LOC400499: variants seen among roughly 807,000 people sequenced by gnomAD.
the LOC400499 span, chr16:11,393,444 A>T: frequency 8.1e-7 from 1 of 1,232,202 alleles, no homozygotes; most frequent in South Asian, 4.1e-5. Context: ...GAACACAGAC[A>T]GCCTCACTTT....
the LOC400499 span, chr16:11,414,660 G>A: frequency 1.3e-5 from 5 of 397,954 alleles, no homozygotes; most frequent in African/African-American, 6.2e-5. Context: ...TGGGTGCTGG[G>A]TGGGGTCAAC....
chr16:11,495,778 G>C, the LOC400499 span, among the ~76,000 whole-genome samples: 2 of 151,836 alleles, frequency 1.3e-5, no homozygotes, highest in African/African-American at 2.4e-5. Flanking sequence ...CCATTTTGCA[G>C]AGCAGGAAGC....
chr16:11,490,525 C>G, the LOC400499 span, among the ~76,000 whole-genome samples: 211 of 152,112 alleles, frequency 1.4e-3, no homozygotes, highest in African/African-American at 4.6e-3. Context: ...TGGTGAAACC[C>G]CGTCTCTACT....
the LOC400499 span, among the ~76,000 whole-genome samples, chr16:11,513,677 T>C: frequency 0.59 from 89,831 of 151,812 alleles, 27,032 homozygotes; most frequent in Admixed American, 0.66. Flanking sequence ...GTTATCCGCC[T>C]ACCTCGGCCT....
At chr16:11,460,590 G>C in the LOC400499 span, 15 of 1,534,422 alleles carry the variant, frequency 9.8e-6, no homozygotes, top group Non-Finnish European at 1.2e-5. Context: ...CTGCACTCGT[G>C]TGCCGCCTGC....
chr16:11,505,746 G>A, the LOC400499 span, among the ~76,000 whole-genome samples: 5 of 151,910 alleles, frequency 3.3e-5, no homozygotes, highest in African/African-American at 4.8e-5. Flanking sequence ...ACTGTGCCCG[G>A]CCTGTTTACT....
chr16:11,511,790 G>T, the LOC400499 span, among the ~76,000 whole-genome samples: 10 of 152,352 alleles, frequency 6.6e-5, no homozygotes, highest in East Asian at 1.7e-3. Flanking sequence ...ACTTTGGGAG[G>T]CTGCAGTAGG....
At chr16:11,389,968 C>G in the LOC400499 span, 3 of 477,502 alleles carry the variant, frequency 6.3e-6, no homozygotes, top group African/African-American at 6.0e-5. Flanking sequence ...GCTTCCTCAT[C>G]TGTAAAACGA....
At chr16:11,381,523 T>C in the LOC400499 span, among the ~76,000 whole-genome samples, 4 of 152,204 alleles carry the variant, frequency 2.6e-5, no homozygotes, top group Non-Finnish European at 5.9e-5. Flanking sequence ...ATCTTCTTAA[T>C]AGAGTCTTTC....
At chr16:11,508,150 A>ATC in the LOC400499 span, among the ~76,000 whole-genome samples, 1 of 152,100 alleles carries the variant, frequency 6.6e-6, no homozygotes, top group Non-Finnish European at 1.5e-5. Context: ...ATGCTAAACC[A>ATC]TCTCTCTCGT....
chr16:11,517,672 C>T, the LOC400499 span, among the ~76,000 whole-genome samples: 14 of 152,250 alleles, frequency 9.2e-5, no homozygotes, highest in Admixed American at 8.5e-4. Context: ...GGATATCACA[C>T]AGCAAGTCAG....
At chr16:11,389,957 A>T in the LOC400499 span, 1 of 456,574 alleles carries the variant, frequency 2.2e-6, no homozygotes. Flanking sequence ...AAGAAAGCCC[A>T]GCTTCCTCAT....
At chr16:11,401,613 A>G in the LOC400499 span, among the ~76,000 whole-genome samples, 2 of 152,244 alleles carry the variant, frequency 1.3e-5, no homozygotes, top group East Asian at 3.8e-4. Context: ...GAGCAGATGG[A>G]GCGAACACAG....
the LOC400499 span, chr16:11,399,170 T>C: frequency 3.1e-6 from 3 of 978,316 alleles, no homozygotes; most frequent in African/African-American, 3.5e-5. Flanking sequence ...GAACCGGAGC[T>C]CCCGATCTCC....
chr16:11,521,414 AACC>A, the LOC400499 span, among the ~76,000 whole-genome samples: 1 of 152,324 alleles, frequency 6.6e-6, no homozygotes, highest in African/African-American at 2.4e-5. Flanking sequence ...AGAAATCTGC[AACC>A]ACCAAGTGGG....
the LOC400499 span, among the ~76,000 whole-genome samples, chr16:11,418,548 C>T: frequency 6.6e-5 from 10 of 152,134 alleles, no homozygotes; most frequent in African/African-American, 2.2e-4. Flanking sequence ...AAAGGGGAGG[C>T]GTGAATAATC....
At chr16:11,474,505 T>A in the LOC400499 span, among the ~76,000 whole-genome samples, 1 of 152,158 alleles carries the variant, frequency 6.6e-6, no homozygotes, top group East Asian at 1.9e-4. Flanking sequence ...TTTTAAGTGA[T>A]TTTGGTTTGC....
chr16:11,516,038 G>A, the LOC400499 span: 3 of 399,444 alleles, frequency 7.5e-6, no homozygotes, highest in East Asian at 1.1e-4. Flanking sequence ...CTGGTATGTG[G>A]TAGGACATCG....
chr16:11,481,022 T>C, the LOC400499 span, among the ~76,000 whole-genome samples: 1 of 152,316 alleles, frequency 6.6e-6, no homozygotes, highest in East Asian at 1.9e-4. Context: ...TTGACCTTAG[T>C]TAGGAATGGA....
Sources: gnomAD v4.1 joint callset for allele counts (sites outside exome capture counted in the v4.1 genomes callset) on GRCh38, gnomAD v4.1.1 for gene constraint, MANE v1.5 for transcripts.